TMTC2: variants seen among roughly 807,000 people sequenced by gnomAD.
TMTC2 encodes the protein protein O-mannosyl-transferase TMTC2.
A neutral mutation model predicts 82.4 loss-of-function variants in TMTC2; 43 were observed. That is an observed-to-expected ratio of 0.52 (90% CI 0.41 to 0.67). TMTC2 has a LOEUF of 0.67. TMTC2 is among the 30% of genes least tolerant of loss of function. The pLI, the probability that TMTC2 is intolerant of heterozygous loss-of-function variation, is 0.00. For missense variants in TMTC2, 919 were observed against 1,012.4 expected (o/e 0.91, Z 1.25); for synonymous variants, 408 against 381.9 (o/e 1.07, Z -0.80).
chr12:82,899,556 G>T (rs1402743156), intron 3 of TMTC2, among the ~76,000 whole-genome samples: 1 of 136,288 alleles, frequency 7.3e-6, no homozygotes, highest in African/African-American at 2.7e-5. Context: ...ATATATATAA[G>T]AATATATATA....
intron 1 of TMTC2, among the ~76,000 whole-genome samples, chr12:82,727,941 G>A (rs1874548101): frequency 6.6e-6 from 1 of 151,900 alleles, no homozygotes. Flanking sequence ...TGTTATTTTG[G>A]TGTCTCCTTT....
intron 1 of TMTC2, among the ~76,000 whole-genome samples, chr12:82,732,227 T>C (rs973808649): frequency 6.6e-6 from 1 of 152,230 alleles, no homozygotes; most frequent in Non-Finnish European, 1.5e-5. Context: ...TGTATCATAC[T>C]TTATTGATTG....
At chr12:83,048,290 T>C (rs1882217213) in intron 9 of TMTC2, among the ~76,000 whole-genome samples, 1 of 152,180 alleles carries the variant, frequency 6.6e-6, no homozygotes, top group Non-Finnish European at 1.5e-5. Flanking sequence ...TACTGTTATA[T>C]AAAAAAGCAC....
intron 8 of TMTC2, among the ~76,000 whole-genome samples, chr12:83,008,556 C>G (rs1395983031): frequency 6.6e-6 from 1 of 152,188 alleles, no homozygotes; most frequent in Non-Finnish European, 1.5e-5. Flanking sequence ...CATTAGAGCA[C>G]TTAACATATT....
At chr12:82,986,093 C>T (rs772074032) in intron 8 of TMTC2, 47 bp downstream of exon 8, 2 of 1,612,852 alleles carry the variant, frequency 1.2e-6, no homozygotes, top group African/African-American at 2.7e-5. Context: ...TTTCTCCATG[C>T]AGACCGGGAT....
chr12:82,803,839 T>C (rs1879123246), intron 1 of TMTC2, among the ~76,000 whole-genome samples: 1 of 152,070 alleles, frequency 6.6e-6, no homozygotes, highest in African/African-American at 2.4e-5. Context: ...CCAGAGTTCC[T>C]GCTTGGGTCT....
intron 1 of TMTC2, among the ~76,000 whole-genome samples, chr12:82,781,202 A>G (rs1381871749): frequency 6.6e-6 from 1 of 152,090 alleles, no homozygotes; most frequent in Non-Finnish European, 1.5e-5. Flanking sequence ...TGAGTAGATC[A>G]AAATTAATAG....
At chr12:82,777,872 C>A (rs765057733) in intron 1 of TMTC2, among the ~76,000 whole-genome samples, 5 of 152,042 alleles carry the variant, frequency 3.3e-5, no homozygotes, top group African/African-American at 1.2e-4. Flanking sequence ...CCACGATTTG[C>A]CATTTTCTCT....
intron 3 of TMTC2, among the ~76,000 whole-genome samples, chr12:82,909,689 T>C (rs1438647561): frequency 6.6e-6 from 1 of 152,176 alleles, no homozygotes; most frequent in African/African-American, 2.4e-5. Flanking sequence ...AACCAATTAA[T>C]ACATTCATTT....
intron 1 of TMTC2, among the ~76,000 whole-genome samples, chr12:82,700,817 G>A (rs1214735766): frequency 6.6e-6 from 1 of 152,150 alleles, no homozygotes; most frequent in Non-Finnish European, 1.5e-5. Flanking sequence ...CTGAAACTGA[G>A]TATCTTATAA....
At chr12:82,978,577 T>G (rs1175265084) in intron 7 of TMTC2, among the ~76,000 whole-genome samples, 1 of 151,808 alleles carries the variant, frequency 6.6e-6, no homozygotes, top group African/African-American at 2.4e-5. Context: ...AAGGTTTTTT[T>G]AGTTTTTCTA....
chr12:82,747,739 T>C (rs577928475), intron 1 of TMTC2, among the ~76,000 whole-genome samples: 1 of 152,176 alleles, frequency 6.6e-6, no homozygotes. Context: ...TGGCATATCA[T>C]GGGAGTAGCT....
At chr12:82,699,195 C>T (rs561121969) in intron 1 of TMTC2, among the ~76,000 whole-genome samples, 6 of 152,180 alleles carry the variant, frequency 3.9e-5, no homozygotes, top group African/African-American at 1.4e-4. Flanking sequence ...ATGGCCTGCT[C>T]CATCCCCCAT....
At chr12:82,707,154 C>T (rs549149848) in intron 1 of TMTC2, among the ~76,000 whole-genome samples, 1 of 152,262 alleles carries the variant, frequency 6.6e-6, no homozygotes, top group African/African-American at 2.4e-5. Flanking sequence ...CTGGGAGGTC[C>T]AAGATCAAGG....
chr12:82,722,371 G>A (rs1339440815), intron 1 of TMTC2, among the ~76,000 whole-genome samples: 2 of 146,258 alleles, frequency 1.4e-5, no homozygotes, highest in Non-Finnish European at 3.0e-5. Context: ...TGGCTAACAC[G>A]GTGAAACCCC....
At chr12:82,805,960 G>A (rs1423393725) in intron 1 of TMTC2, among the ~76,000 whole-genome samples, 1 of 152,068 alleles carries the variant, frequency 6.6e-6, no homozygotes, top group African/African-American at 2.4e-5. Flanking sequence ...TGAGATGAAT[G>A]ATACAGCTTT....
At chr12:83,114,328 C>T (rs1471897325) in intron 11 of TMTC2, among the ~76,000 whole-genome samples, 1 of 151,958 alleles carries the variant, frequency 6.6e-6, no homozygotes, top group Non-Finnish European at 1.5e-5. Context: ...GAAGGCCATG[C>T]GAAAACATAA....
At chr12:83,055,234 C>T (rs181695987) in intron 10 of TMTC2, among the ~76,000 whole-genome samples, 5 of 152,116 alleles carry the variant, frequency 3.3e-5, no homozygotes, top group African/African-American at 1.2e-4. Flanking sequence ...CTGTGCTAAA[C>T]GAAAGTTAGA....
intron 1 of TMTC2, among the ~76,000 whole-genome samples, chr12:82,818,291 C>G (rs1215040544): frequency 6.6e-6 from 1 of 151,874 alleles, no homozygotes; most frequent in Admixed American, 6.6e-5. Context: ...TTCTTTTGTC[C>G]TTGCTAATAT....
Sources: gnomAD v4.1 joint callset for allele counts (sites outside exome capture counted in the v4.1 genomes callset) on GRCh38, gnomAD v4.1.1 for gene constraint, MANE v1.5 for transcripts, NCBI Gene and HGNC (gene_info 2026-07-23, HGNC 2026-07-21) for gene names.